Variants in ITGA7 observed in about 807,000 individuals in gnomAD.
The protein encoded by ITGA7 is integrin alpha-7.
ITGA7 carries 84 observed loss-of-function variants against 131.6 expected under a neutral mutation model. The ratio of observed to expected loss-of-function variants is 0.64; its 90% confidence interval spans 0.54 to 0.77. ITGA7 has a LOEUF of 0.77. Ranked by LOEUF, ITGA7 falls within the 30% of genes least tolerant of loss-of-function variation. The probability of loss-of-function intolerance (pLI) is 0.00; values close to 1 mark genes in which losing one functional copy is unlikely to be tolerated. For missense variants in ITGA7, 1,399 were observed against 1,482.9 expected (o/e 0.94, Z 0.93); for synonymous variants, 548 against 600.7 (o/e 0.91, Z 1.28).
In ITGA7 at chr12:55,700,295, G is replaced by A. The variant is rs754813765; in HGVS notation, c.671-306C>T. 19 of 1,609,176 alleles carry A rather than the reference G, an allele frequency of 1.2e-5. No homozygotes were observed. Among genetic ancestry groups the A allele is most frequent in the Admixed American group, 3.4e-5 (2 of 59,040 alleles). ...CTGTTGGCAGGGACCGGGATGAGGC[G>A]GGGGTCCTGCTCCTTCTCTCCCCCC... On this transcript the variant is annotated intron_variant, in intron 4 of 24. Transcript: ENST00000257879.
Position 55,699,977 on chromosome 12 carries a change from A to C in ITGA7, c.683T>G (p.Val228Gly). ...GTYNWKGLLF[V>G]TNIDSSDPDQ... Reference sequence around the variant, plus strand: ...GGGGTCTGAGCTATCAATGTTGGTCACAAAAAGCAACCCTGTGGGGGGTGG... The same window carrying C: ...GGGGTCTGAGCTATCAATGTTGGTCCCAAAAAGCAACCCTGTGGGGGGTGG... Residue 228 changes from valine to glycine, a missense_variant, in exon 5 of 25, where the codon GTG (valine) becomes GGG (glycine). By Grantham distance (109) the Val-to-Gly change is moderately radical. Coordinates refer to ENST00000257879, the MANE Select transcript of ITGA7 (RefSeq NM_002206.3). 1 of 1,614,150 alleles carries C rather than the reference A, an allele frequency of 6.2e-7. No individual in the cohort carries two copies. The highest frequency in any genetic ancestry group is 1.7e-5 in the Admixed American group (1 of 60,024).
upstream of ITGA7, chr12:55,716,311 C>T: frequency 6.6e-7 from 1 of 1,511,746 alleles, no homozygotes; most frequent in Non-Finnish European, 8.8e-7. Flanking sequence ...TAGCGGGCAA[C>T]GGGCATGGGG....
upstream of ITGA7, chr12:55,715,832 C>G (rs1876471293): frequency 5.5e-6 from 3 of 546,522 alleles, no homozygotes; most frequent in Non-Finnish European, 9.2e-6. Flanking sequence ...CCTGACACCA[C>G]CAGCCCTCGA....
intron 7 of ITGA7, 132 bp from the exon 8 acceptor site, chr12:55,698,158 C>A: frequency 1.1e-6 from 1 of 923,664 alleles, no homozygotes. Context: ...AGGCACTCTA[C>A]ATACATCATC....
chr12:55,699,032 T>C (rs1592456724), intron 5 of ITGA7, 115 bp from the exon 6 acceptor site: 2 of 908,020 alleles, frequency 2.2e-6, no homozygotes, highest in South Asian at 1.4e-5. Flanking sequence ...AAGTCACAGC[T>C]CCCCTGCACC....
At chr12:55,685,439 C>G in intron 24 of ITGA7, 151 bp from the exon 25 acceptor site, 1 of 743,088 alleles carries the variant, frequency 1.3e-6, no homozygotes, top group Non-Finnish European at 2.3e-6. Flanking sequence ...GGGCAGCACC[C>G]ACGGTGCTCC....
chr12:55,700,320 C>T (rs746348783), intron 4 of ITGA7: 25 of 1,610,318 alleles, frequency 1.6e-5, no homozygotes, highest in Middle Eastern at 2.2e-4. Context: ...TCTCTCCCCC[C>T]GCCTCGTAGG....
rs764106076 is a variant in ITGA7 at position 55,694,877 on chromosome 12, G to A, written c.2097C>T (p.Ala699=). ...CATCATCCCCATCAGCCTGGGGCTG[G>A]GCTGGGTCCGATGGCAGGTTGGTGA... ...LMVTNLPSDP[A]QPQADGDDAH... Residue 699 remains alanine (A), a synonymous_variant, in exon 15 of 25, where the codon GCC becomes GCT. Transcript: ENST00000257879. This position sits in a 1 kb window ranked among gnomAD's most constrained non-coding sequence, Gnocchi z 5.3. The A allele has an allele frequency of 6.2e-7, 1 of 1,614,104 alleles. No homozygotes were observed. The highest frequency in any genetic ancestry group is 8.5e-7 in the Non-Finnish European group (1 of 1,179,996).
upstream of ITGA7, among the ~76,000 whole-genome samples, chr12:55,710,957 C>T (rs1432208957): frequency 6.6e-6 from 1 of 151,978 alleles, no homozygotes; most frequent in African/African-American, 2.4e-5. Context: ...TGGTGATTAT[C>T]CAAATCTATA....
chr12:55,695,485 G>C (rs1223170715), intron 14 of ITGA7, 37 bp downstream of exon 14: 1 of 1,184,724 alleles, frequency 8.4e-7, no homozygotes, highest in South Asian at 1.2e-5. Flanking sequence ...TTGAACTCTT[G>C]CCCTCCCACC....
chr12:55,711,587 A>G (rs993266035), upstream of ITGA7, among the ~76,000 whole-genome samples: 4 of 152,188 alleles, frequency 2.6e-5, no homozygotes, highest in East Asian at 5.8e-4. Flanking sequence ...ATAGATTAAT[A>G]CACTGTACTT....
chr12:55,716,380 G>C, upstream of ITGA7: 1 of 1,429,172 alleles, frequency 7.0e-7, no homozygotes, highest in Non-Finnish European at 9.1e-7. Context: ...ACTGGCTCCG[G>C]TCCCTTGGGC....
chr12:55,713,348 T>C (rs186178040), upstream of ITGA7, among the ~76,000 whole-genome samples: 1 of 152,282 alleles, frequency 6.6e-6, no homozygotes, highest in East Asian at 1.9e-4. Flanking sequence ...CCCAGCAAGC[T>C]AGAGGGGCAT....
intron 24 of ITGA7, among the ~76,000 whole-genome samples, chr12:55,686,559 G>A (rs1263014047): frequency 1.3e-5 from 2 of 152,168 alleles, no homozygotes; most frequent in Non-Finnish European, 2.9e-5. Context: ...TCTCTGATTG[G>A]TCCCAAAGAG....
At chr12:55,714,688 AAAT>A (rs959568146), upstream of ITGA7, among the ~76,000 whole-genome samples, 4 of 150,912 alleles carry the variant, frequency 2.7e-5, no homozygotes, top group South Asian at 4.2e-4. Context: ...TCTGTCTCAA[AAAT>A]AATAATAATT....
In ITGA7 at chr12:55,688,235, T is replaced by A; in HGVS notation, c.3024A>T (p.Ile1008=). The A allele has an allele frequency of 6.2e-7, 1 of 1,614,108 alleles. No individual in the cohort carries two copies. The highest frequency in any genetic ancestry group is 8.5e-7 in the Non-Finnish European group (1 of 1,180,008). The part of the protein sequence containing the change: ...VRANITVKSS[I]KNLMLRDAST... ...AGGCATCTCGGAGCATCAAGTTCTT[T>A]ATGGAGGACTTCACTGTGATGTTGG... is the stretch of plus-strand genomic sequence containing the variant. Residue 1008 remains isoleucine (I), a synonymous_variant, in exon 23 of 25, where the codon ATA becomes ATT. Transcript: ENST00000257879.
intron 1 of ITGA7, among the ~76,000 whole-genome samples, chr12:55,703,510 T>C (rs1874543404): frequency 6.6e-6 from 1 of 152,000 alleles, no homozygotes. Flanking sequence ...CCAGCACCTG[T>C]TCCTGAGTAG....
At chr12:55,685,310 C>A (rs1164787148) in intron 24 of ITGA7, 22 bp from the exon 25 acceptor site, 1 of 1,608,542 alleles carries the variant, frequency 6.2e-7, no homozygotes. Context: ...CCAGGCCAGA[C>A]CATGAGGAGC....
intron 13 of ITGA7, 50 bp from the exon 14 acceptor site, chr12:55,695,687 G>A: frequency 7.8e-7 from 1 of 1,277,486 alleles, no homozygotes; most frequent in Non-Finnish European, 1.1e-6. Flanking sequence ...AAGGCAGGGG[G>A]CAAACCTGTC....
Sources: gnomAD v4.1 joint callset for allele counts (sites outside exome capture counted in the v4.1 genomes callset) on GRCh38, gnomAD v4.1.1 for gene constraint, Gnocchi (gnomAD v3.1) non-coding constraint, MANE v1.5 for transcripts, NCBI Gene and HGNC (gene_info 2026-07-23, HGNC 2026-07-21) for gene names.